Variants in EIF4A1 observed in about 807,000 individuals in gnomAD.
The protein encoded by EIF4A1 is eukaryotic translation initiation factor 4A1.
EIF4A1 carries 11 observed loss-of-function variants against 53.5 expected under a neutral mutation model. The observed-to-expected ratio is 0.21, with a 90% CI of 0.13 to 0.34. EIF4A1 has a LOEUF of 0.34. Among genes scored for constraint, EIF4A1 ranks in the 10% least tolerant of loss-of-function variants. The pLI is 1.00. For synonymous variants in EIF4A1, 237 were observed against 186.7 expected (o/e 1.27, Z -2.20); for missense variants, 213 against 530.8 (o/e 0.40, Z 5.88).
chr17:7,577,935 TA>T lies in EIF4A1; in HGVS notation c.996+20del. On this transcript the variant is annotated intron_variant, in intron 9 of 10. Coordinates refer to ENST00000293831, the MANE Select transcript of EIF4A1 (RefSeq NM_001416.4). The surrounding 1 kb of genome is among the most constrained non-coding windows in gnomAD (Gnocchi z 4.7). ...CCTGCTGGTGAGTAGAGGGAACTGA[TA>T]GCAAAGGCAGAAGGGAGGATCCAAG... The T allele has an allele frequency of 6.2e-7, 1 of 1,614,070 alleles. No homozygotes were observed. Among genetic ancestry groups the T allele is most frequent in the Non-Finnish European group, 8.5e-7 (1 of 1,179,928 alleles).
intron 3 of EIF4A1, 127 bp from the exon 4 acceptor site, chr17:7,574,992 G>A: frequency 1.5e-6 from 2 of 1,318,676 alleles, no homozygotes; most frequent in Non-Finnish European, 2.1e-6. Flanking sequence ...TGTGTTGATT[G>A]GGAAGGTAGT....
intron 4 of EIF4A1, 137 bp downstream of exon 4, chr17:7,575,395 T>G (rs1180417126): frequency 5.5e-6 from 7 of 1,263,326 alleles, no homozygotes; most frequent in South Asian, 1.2e-5. Flanking sequence ...ACCTGCTGGG[T>G]TAATTAAAAG....
intron 4 of EIF4A1, chr17:7,575,592 C>T (rs941387341): frequency 7.8e-5 from 32 of 412,658 alleles, no homozygotes; most frequent in African/African-American, 5.1e-4. Context: ...ATGGACAGTC[C>T]TTTTCACCCT....
chr17:7,574,460 T>G, intron 2 of EIF4A1, 86 bp from the exon 3 acceptor site: 1 of 1,601,824 alleles, frequency 6.2e-7, no homozygotes, highest in Non-Finnish European at 8.5e-7. Context: ...CTTTTGTTAG[T>G]AGGCACCAGA....
At chr17:7,576,784 T>C in intron 5 of EIF4A1, 92 bp downstream of exon 5, 1 of 1,547,898 alleles carries the variant, frequency 6.5e-7, no homozygotes, top group South Asian at 1.2e-5. Flanking sequence ...TTCCCAAGGA[T>C]GCTGGTTTCT....
Position 7,578,381 on chromosome 17 carries a change from T to A in EIF4A1, c.1116T>A (p.Ala372=). ...RGGRFGRKGV[A]INMVTEEDKR... is the part of the protein sequence containing the mutation. Reference sequence around the variant, plus strand: ...GACGGTTTGGCCGTAAAGGTGTGGCTATTAACATGGTGACAGAAGAAGACA... The same window carrying A: ...GACGGTTTGGCCGTAAAGGTGTGGCAATTAACATGGTGACAGAAGAAGACA... Residue 372 remains alanine, a synonymous_variant, in exon 11 of 11, where the codon GCT becomes GCA. Transcript: ENST00000293831. 2 of 1,613,730 alleles carry A rather than the reference T, an allele frequency of 1.2e-6. No homozygotes were observed. Among genetic ancestry groups the A allele is most frequent in the Non-Finnish European group, 1.7e-6 (2 of 1,179,786 alleles).
chr17:7,578,068 T>C (rs769606069), intron 9 of EIF4A1, 97 bp from the exon 10 acceptor site: 5 of 1,586,280 alleles, frequency 3.2e-6, no homozygotes, highest in Non-Finnish European at 3.5e-6. Flanking sequence ...TTATTTCCTC[T>C]GCCTTCCTTG....
chr17:7,577,394 G>A lies in EIF4A1; in HGVS notation c.675G>A (p.Lys225=). 1 of 1,614,142 alleles carries A rather than the reference G, an allele frequency of 6.2e-7. No individual in the cohort carries two copies. The highest frequency in any genetic ancestry group is 8.5e-7 in the Non-Finnish European group (1 of 1,180,038). The change falls in exon 7 of 11, where the codon AAG becomes AAA. Residue 225 remains lysine (K), a synonymous_variant. Coordinates refer to ENST00000293831, the MANE Select transcript of EIF4A1 (RefSeq NM_001416.4). The surrounding 1 kb of genome is among the most constrained non-coding windows in gnomAD (Gnocchi z 4.7). ...TMPSDVLEVT[K]KFMRDPIRIL... Reference sequence around the variant, plus strand: ...CTTCTGATGTGCTTGAGGTGACCAAGAAGTTCATGAGGGACCCCATTCGGA... The same window carrying A: ...CTTCTGATGTGCTTGAGGTGACCAAAAAGTTCATGAGGGACCCCATTCGGA...
At chr17:7,575,032 G>T in intron 3 of EIF4A1, 87 bp from the exon 4 acceptor site, 1 of 1,545,418 alleles carries the variant, frequency 6.5e-7, no homozygotes, top group Non-Finnish European at 8.8e-7. Context: ...TGGTTCATTG[G>T]TTGCTTATTG....
chr17:7,576,798 T>C, intron 5 of EIF4A1, 106 bp downstream of exon 5: 1 of 1,541,736 alleles, frequency 6.5e-7, no homozygotes, highest in Non-Finnish European at 8.8e-7. Flanking sequence ...GGTTTCTCTC[T>C]GGGGGAAGAG....
rs763821510 is a variant in EIF4A1 at position 7,577,049 on chromosome 17, TCTC to T, written c.515-6_515-4del. The T allele has an allele frequency of 1.3e-5, 21 of 1,614,040 alleles. No individual in the cohort carries two copies. Among genetic ancestry groups the T allele is most frequent in the Non-Finnish European group, 1.4e-5 (16 of 1,179,984 alleles). On this transcript the variant is annotated splice_polypyrimidine_tract_variant and splice_region_variant and intron_variant, in intron 5 of 10. Coordinates refer to ENST00000293831, the MANE Select transcript of EIF4A1 (RefSeq NM_001416.4). This position sits in a 1 kb window ranked among gnomAD's most constrained non-coding sequence, Gnocchi z 4.7. ...TGCTATATATTGGCTTTTTTTTTCT[TCTC>T]TAGCCCCCAAATACATCAAGATGTT...
rs2071431849 is a variant in EIF4A1, at chr17:7,578,344, T to C, written c.1079T>C (p.Ile360Thr). ...PTNRENYIHR[I>T]GRGGRFGRKG... ...TCATCCCCTTCCTTGTTTTCCAGAA[T>C]CGGTCGAGGTGGACGGTTTGGCCGT... Residue 360 changes from isoleucine to threonine, a missense_variant and splice_region_variant, in exon 11 of 11, where the codon ATC (isoleucine) becomes ACC (threonine). By Grantham distance (89) the Ile-to-Thr change is moderately conservative. Coordinates refer to ENST00000293831, the MANE Select transcript of EIF4A1 (RefSeq NM_001416.4). The C allele has an allele frequency of 6.2e-7, 1 of 1,612,300 alleles. No homozygotes were observed.
intron 1 of EIF4A1, chr17:7,573,687 T>C: frequency 6.4e-6 from 1 of 155,436 alleles, no homozygotes; most frequent in Non-Finnish European, 1.4e-5. Context: ...TCTGCTTCGC[T>C]TCTAAGTGTT....
chr17:7,574,502 C>T, intron 2 of EIF4A1, 44 bp from the exon 3 acceptor site: 7 of 1,612,266 alleles, frequency 4.3e-6, no homozygotes, highest in Non-Finnish European at 5.9e-6. Context: ...AGCTCAGCTC[C>T]ACCTTTTCCA....
At chr17:7,574,501 C>T in intron 2 of EIF4A1, 45 bp from the exon 3 acceptor site, 1 of 1,611,836 alleles carries the variant, frequency 6.2e-7, no homozygotes, top group South Asian at 1.1e-5. Flanking sequence ...CAGCTCAGCT[C>T]CACCTTTTCC....
chr17:7,577,787 G>T lies in EIF4A1; in HGVS notation c.907-40G>T. On this transcript the variant is annotated intron_variant, in intron 8 of 10. Transcript: ENST00000293831. The surrounding 1 kb of genome is among the most constrained non-coding windows in gnomAD (Gnocchi z 4.7). Reference sequence around the variant, plus strand: ...TGAAGCCAGGGTTCCTGGAACCCAGGTGCCTACCTGGTCTGCTGCATATTT... The same window carrying T: ...TGAAGCCAGGGTTCCTGGAACCCAGTTGCCTACCTGGTCTGCTGCATATTT... 6.2e-7 allele frequency: 1 copy of T among 1,614,102 alleles called. No individual in the cohort carries two copies. Among genetic ancestry groups the T allele is most frequent in the Non-Finnish European group, 8.5e-7 (1 of 1,180,032 alleles).
chr17:7,576,449 T>C (rs2071402933), intron 4 of EIF4A1, 75 bp from the exon 5 acceptor site: 1 of 1,478,508 alleles, frequency 6.8e-7, no homozygotes, highest in Non-Finnish European at 9.0e-7. Context: ...TAGGAATCAA[T>C]ACATGAAAAA....
In EIF4A1 at chr17:7,577,562, C is replaced by A. The variant is rs776802273; in HGVS notation, c.769-7C>A. Reference sequence around the variant, plus strand: ...CCCCTGACTGATTTTTGTCCCCCAACCTCCAGGAGTGGAAGCTGGACACAC... The same window carrying A: ...CCCCTGACTGATTTTTGTCCCCCAAACTCCAGGAGTGGAAGCTGGACACAC... On this transcript the variant is annotated splice_region_variant and splice_polypyrimidine_tract_variant and intron_variant, in intron 7 of 10. Transcript: ENST00000293831. This position sits in a 1 kb window ranked among gnomAD's most constrained non-coding sequence, Gnocchi z 4.7. 1 of 1,612,894 alleles carries A rather than the reference C, an allele frequency of 6.2e-7. No individual in the cohort carries two copies. Among genetic ancestry groups the A allele is most frequent in the Non-Finnish European group, 8.5e-7 (1 of 1,179,218 alleles).
chr17:7,576,453 T>C, intron 4 of EIF4A1, 71 bp from the exon 5 acceptor site: 8 of 1,478,982 alleles, frequency 5.4e-6, no homozygotes, highest in Non-Finnish European at 7.2e-6. Context: ...AATCAATACA[T>C]GAAAAACATT....
Sources: gnomAD v4.1 joint callset for allele counts on GRCh38, gnomAD v4.1.1 for gene constraint, Gnocchi (gnomAD v3.1) non-coding constraint, MANE v1.5 for transcripts, NCBI Gene and HGNC (gene_info 2026-07-23, HGNC 2026-07-21) for gene names.